Variants in FAM174B observed in about 807,000 individuals in gnomAD.
FAM174B encodes the protein family with sequence similarity 174 member B, also known as membrane protein FAM174B.
FAM174B carries 12 observed loss-of-function variants against 10.9 expected under a neutral mutation model. That is an observed-to-expected ratio of 1.10 (90% CI 0.71 to 1.79). The LOEUF (loss-of-function observed/expected upper bound fraction) is 1.79. FAM174B is among the 40% of genes most tolerant of loss of function. FAM174B has a pLI of 0.00. For missense variants in FAM174B, 266 were observed against 233.3 expected (o/e 1.14, Z -0.91); for synonymous variants, 132 against 115.8 (o/e 1.14, Z -0.90).
At chr15:92,655,283 C>CGGGGGAAGGAAGAG in intron 1 of FAM174B, 33 bp downstream of exon 1, 1 of 1,499,776 alleles carries the variant, frequency 6.7e-7, no homozygotes, top group Non-Finnish European at 8.9e-7. Context: ...CCCTGTCGGC[C>CGGGGGAAGGAAGAG]GGCGGGGGAA....
Position 92,630,275 on chromosome 15 carries a change from C to T in FAM174B, c.415G>A (p.Ala139Thr), listed in dbSNP as rs2050782765. The T allele has an allele frequency of 6.2e-7, 1 of 1,613,792 alleles. No individual in the cohort carries two copies. The highest frequency in any genetic ancestry group is 1.1e-5 in the South Asian group (1 of 91,064). ...TCATCATCCTCTTCATTTAGTGGCGCCATTTCCACTCGCTCTGCTGGAGTG... is the reference window on the plus strand; with the variant it reads ...TCATCATCCTCTTCATTTAGTGGCGTCATTTCCACTCGCTCTGCTGGAGTG... ...ITTPAERVEM[A>T]PLNEEDDEDE... Residue 139 changes from alanine to threonine, a missense_variant, in exon 2 of 3, where the codon GCG becomes ACG. By Grantham distance (58) the Ala-to-Thr change is moderately conservative (BLOSUM62 0). Transcript: ENST00000327355.
intron 2 of FAM174B, among the ~76,000 whole-genome samples, chr15:92,621,108 G>C (rs2050716564): frequency 6.6e-6 from 1 of 152,124 alleles, no homozygotes; most frequent in South Asian, 2.1e-4. Context: ...TCATTTGCAG[G>C]AAAGGGCCAT....
intron 1 of FAM174B, among the ~76,000 whole-genome samples, chr15:92,642,616 C>T (rs1409183935): frequency 6.6e-6 from 1 of 152,192 alleles, no homozygotes; most frequent in Non-Finnish European, 1.5e-5. Flanking sequence ...TTGCACTTCT[C>T]TCTCCTGCCA....
intron 1 of FAM174B, among the ~76,000 whole-genome samples, chr15:92,648,003 TCAGA>T (rs2050939810): frequency 6.6e-6 from 1 of 152,234 alleles, no homozygotes; most frequent in African/African-American, 2.4e-5. Context: ...CTTCAAGTCT[TCAGA>T]CAAAGCTTAA....
At chr15:92,637,577 T>C (rs947844052) in intron 1 of FAM174B, among the ~76,000 whole-genome samples, 6 of 152,210 alleles carry the variant, frequency 3.9e-5, no homozygotes, top group Non-Finnish European at 7.3e-5. Flanking sequence ...TAGCCTTCCA[T>C]ATGTAAGTAT....
At chr15:92,619,513 A>G in intron 2 of FAM174B, 54 bp from the exon 3 acceptor site, 1 of 1,593,858 alleles carries the variant, frequency 6.3e-7, no homozygotes, top group African/African-American at 1.3e-5. Flanking sequence ...CCTCGCACCC[A>G]TTCTGACCCC....
At position 92,618,759 on chromosome 15, in the gene FAM174B, C is replaced by T; in HGVS notation, c.*697G>A. On this transcript the variant is annotated 3_prime_UTR_variant, in exon 3 of 3. Coordinates refer to ENST00000327355, the MANE Select transcript of FAM174B (RefSeq NM_207446.3). The stretch of plus-strand genomic sequence containing the variant: ...GCACACACGTGCACACACACACACA[C>T]ACACACGCACAGTTTTTCCCTGATA... 6.0e-6 allele frequency: 1 copy of T among 167,840 alleles called. No individual in the cohort carries two copies. The highest frequency in any genetic ancestry group is 1.3e-5 in the Non-Finnish European group (1 of 78,034). 10.4% of individuals were successfully genotyped at this position (167,840 alleles called of 1,614,324 possible).
At chr15:92,651,259 C>T (rs1266148940) in intron 1 of FAM174B, among the ~76,000 whole-genome samples, 1 of 152,080 alleles carries the variant, frequency 6.6e-6, no homozygotes, top group Non-Finnish European at 1.5e-5. Context: ...TGAGCACCCC[C>T]TAGGATCCAG....
chr15:92,647,727 A>G (rs576739692), intron 1 of FAM174B, among the ~76,000 whole-genome samples: 2 of 152,330 alleles, frequency 1.3e-5, no homozygotes, highest in South Asian at 2.1e-4. Context: ...TTACCCAAAA[A>G]TGTCTGTGAC....
At position 92,638,910 on chromosome 15, in the gene FAM174B, C is replaced by G. The variant is rs571854487; in HGVS notation, c.345-8565G>C. Among the ~76,000 whole-genome samples, 24 of 152,340 alleles carry G rather than the reference C, an allele frequency of 1.6e-4. 1 individual carries two copies. Among genetic ancestry groups the G allele is most frequent in the African/African-American group, 5.1e-4 (21 of 41,576 alleles). On this transcript the variant is annotated intron_variant, in intron 1 of 2. Coordinates refer to ENST00000327355, the MANE Select transcript of FAM174B (RefSeq NM_207446.3). Reference sequence around the variant, plus strand: ...GCACACAGGCCCCTCCTGCGTCATCCACAGCACTGGGGTGACGGTACCAGC... The same window carrying G: ...GCACACAGGCCCCTCCTGCGTCATCGACAGCACTGGGGTGACGGTACCAGC...
chr15:92,629,963 G>A (rs1434855403), intron 2 of FAM174B, among the ~76,000 whole-genome samples: 1 of 152,106 alleles, frequency 6.6e-6, no homozygotes, highest in Non-Finnish European at 1.5e-5. Flanking sequence ...TGATTGTGAG[G>A]CCTCTGCAGC....
chr15:92,655,649 A>G lies in FAM174B; in HGVS notation c.11T>C (p.Val4Ala). 8.0e-7 allele frequency: 1 copy of G among 1,254,998 alleles called. No individual in the cohort carries two copies. Among genetic ancestry groups the G allele is most frequent in the Non-Finnish European group, 9.9e-7 (1 of 1,005,196 alleles). The allele number at this position is 1,254,998 out of a possible 1,614,324, so 77.7% of individuals were successfully genotyped here. Residue 4 changes from valine to alanine, a missense_variant, in exon 1 of 3, where the codon GTG becomes GCG. By Grantham distance (64) the Val-to-Ala change is moderately conservative. Transcript: ENST00000327355. MRAVPLPAPLLPLL... is the reference protein window; with the variant it reads MRAAPLPAPLLPLL... Reference sequence around the variant, plus strand: ...CGGCAGGAGCGGGGCGGGCAGCGGCACGGCGCGCATAGTGCGGTGGGTCGG... The same window carrying G: ...CGGCAGGAGCGGGGCGGGCAGCGGCGCGGCGCGCATAGTGCGGTGGGTCGG...
intron 2 of FAM174B, among the ~76,000 whole-genome samples, chr15:92,629,961 A>G (rs1216628990): frequency 6.6e-6 from 1 of 152,180 alleles, no homozygotes; most frequent in African/African-American, 2.4e-5. Context: ...CATGATTGTG[A>G]GGCCTCTGCA....
chr15:92,638,523 C>A (rs1255361329), intron 1 of FAM174B, among the ~76,000 whole-genome samples: 1 of 152,176 alleles, frequency 6.6e-6, no homozygotes, highest in Non-Finnish European at 1.5e-5. Context: ...AGGACTAAAC[C>A]CTTTAGACTC....
chr15:92,624,758 C>A (rs11074084), intron 2 of FAM174B, among the ~76,000 whole-genome samples: 5 of 152,178 alleles, frequency 3.3e-5, no homozygotes, highest in East Asian at 1.9e-4. Context: ...CATAAGAAGC[C>A]GGGACAGGGA....
chr15:92,644,322 C>T (rs1338071721), intron 1 of FAM174B, among the ~76,000 whole-genome samples: 1 of 152,168 alleles, frequency 6.6e-6, no homozygotes, highest in Non-Finnish European at 1.5e-5. Context: ...CACCTTCCAC[C>T]TAGAGCATTT....
chr15:92,652,617 G>A (rs1195275259), intron 1 of FAM174B, among the ~76,000 whole-genome samples: 2 of 152,184 alleles, frequency 1.3e-5, no homozygotes, highest in African/African-American at 4.8e-5. Flanking sequence ...ACAGACTGGA[G>A]AGGGACAAGG....
rs764588447 is a variant in FAM174B at position 92,655,635 on chromosome 15, G to A, written c.25C>T (p.Pro9Ser). ...GCGAGCAGCAGCAGCGGCAGGAGCG[G>A]GGCGGGCAGCGGCACGGCGCGCATA... MRAVPLPA[P>S]LLPLLLLALL... The change falls in exon 1 of 3, where the codon CCG (proline) becomes TCG (serine). Residue 9 changes from proline (P) to serine (S), a missense_variant. Transcript: ENST00000327355. The A allele has an allele frequency of 2.6e-5, 33 of 1,257,310 alleles. No individual in the cohort carries two copies. Among genetic ancestry groups the A allele is most frequent in the Non-Finnish European group, 3.0e-5 (30 of 1,005,922 alleles). 77.9% of individuals were successfully genotyped at this position (1,257,310 alleles called of 1,614,324 possible).
chr15:92,626,849 G>A (rs1414091176), intron 2 of FAM174B, among the ~76,000 whole-genome samples: 4 of 152,014 alleles, frequency 2.6e-5, no homozygotes, highest in Admixed American at 6.6e-5. Flanking sequence ...TCAAGAGATC[G>A]AGACCATCCT....
Sources: gnomAD v4.1 joint callset for allele counts (sites outside exome capture counted in the v4.1 genomes callset) on GRCh38, gnomAD v4.1.1 for gene constraint, MANE v1.5 for transcripts, NCBI Gene and HGNC (gene_info 2026-07-23, HGNC 2026-07-21) for gene names.